PRKCH: variants seen among roughly 807,000 people sequenced by gnomAD.
PRKCH encodes protein kinase C eta type.
A neutral mutation model predicts 82.5 loss-of-function variants in PRKCH; 28 were observed. The observed-to-expected ratio is 0.34, with a 90% CI of 0.25 to 0.47. The LOEUF is 0.47. Ranked by LOEUF, PRKCH falls within the 20% of genes least tolerant of loss-of-function variation. The probability of loss-of-function intolerance (pLI) is 1.00; values close to 1 mark genes in which losing one functional copy is unlikely to be tolerated. For missense variants in PRKCH, 705 were observed against 881.8 expected (o/e 0.80, Z 2.54); for synonymous variants, 322 against 327.4 (o/e 0.98, Z 0.18).
At chr14:61,366,134 A>G (rs375456577) in intron 1 of PRKCH, among the ~76,000 whole-genome samples, 1 of 152,236 alleles carries the variant, frequency 6.6e-6, no homozygotes, top group South Asian at 2.1e-4. Context: ...AGCTCTTTGC[A>G]AATAATGCCT....
rs1056654828 is a variant in PRKCH at position 61,364,744 on chromosome 14, T to C, written c.364-26481T>C. On this transcript the variant is annotated intron_variant, in intron 1 of 13. Coordinates refer to ENST00000332981, the MANE Select transcript of PRKCH (RefSeq NM_006255.5). ...GTCCCAGGTACTAGGGAGGCTGAAG[T>C]GGGAGGATCACCTGAGCCCAGGGAG... Among the ~76,000 whole-genome samples the C allele has an allele frequency of 2.0e-5, 3 of 151,896 alleles. No homozygotes were observed. In the East Asian group the frequency reaches 5.8e-4, roughly 29 times the overall value.
At chr14:61,536,783 G>T (rs972621295) in intron 12 of PRKCH, among the ~76,000 whole-genome samples, 1 of 152,076 alleles carries the variant, frequency 6.6e-6, no homozygotes, top group East Asian at 1.9e-4. Context: ...GGCAAGGCAG[G>T]CTCCAGCATC....
intron 12 of PRKCH, among the ~76,000 whole-genome samples, chr14:61,541,249 C>T (rs893037589): frequency 1.3e-5 from 2 of 152,280 alleles, no homozygotes; most frequent in Non-Finnish European, 2.9e-5. Context: ...GTGCCAGCAG[C>T]ATCCTTCAGA....
At chr14:61,536,864 C>A (rs2043116664) in intron 12 of PRKCH, among the ~76,000 whole-genome samples, 1 of 152,132 alleles carries the variant, frequency 6.6e-6, no homozygotes, top group East Asian at 1.9e-4. Flanking sequence ...CTGCCCTCTC[C>A]ACCCGCAACA....
chr14:61,275,613 C>T (rs559271245), intron 1 of PRKCH, among the ~76,000 whole-genome samples: 58 of 152,128 alleles, frequency 3.8e-4, no homozygotes, highest in Non-Finnish European at 7.9e-4. Flanking sequence ...AGGTGAGCCA[C>T]CATTCGCTTA....
Position 61,250,460 on chromosome 14 carries a change from G to T in PRKCH, c.-19+62792G>T, listed in dbSNP as rs140517345. Among the ~76,000 whole-genome samples the T allele has an allele frequency of 2.0e-5, 3 of 151,992 alleles. No individual in the cohort carries two copies. In the East Asian group the frequency reaches 5.8e-4, roughly 29 times the overall value. On this transcript the variant is annotated intron_variant, in intron 1 of 3. Coordinates refer to the PRKCH transcript ENST00000555185. ...AAAGACATATGGGAAACTTAAATGCGTTTTACTGAGTGAAAGAAACCAATC... is the reference window on the plus strand; with the variant it reads ...AAAGACATATGGGAAACTTAAATGCTTTTTACTGAGTGAAAGAAACCAATC...
intron 2 of PRKCH, among the ~76,000 whole-genome samples, chr14:61,424,100 C>T (rs917292845): frequency 3.9e-5 from 6 of 152,204 alleles, no homozygotes; most frequent in African/African-American, 1.4e-4. Context: ...CCCCTTATGC[C>T]ATGATTATAA....
intron 2 of PRKCH, among the ~76,000 whole-genome samples, chr14:61,395,122 C>T (rs980507817): frequency 6.6e-6 from 1 of 151,868 alleles, no homozygotes; most frequent in Non-Finnish European, 1.5e-5. Context: ...TTTAGGAACC[C>T]CATATCTGTT....
chr14:61,459,075 A>G (rs544751346), intron 9 of PRKCH, among the ~76,000 whole-genome samples: 1 of 152,314 alleles, frequency 6.6e-6, no homozygotes, highest in African/African-American at 2.4e-5. Flanking sequence ...ATTTAGAATC[A>G]GGCTCAAAAT....
chr14:61,500,545 C>T (rs1215321593), intron 10 of PRKCH, among the ~76,000 whole-genome samples: 2 of 151,994 alleles, frequency 1.3e-5, no homozygotes, highest in African/African-American at 2.4e-5. Context: ...GTAGCAAGCA[C>T]GGTGGAAAGT....
chr14:61,506,404 G>C (rs930621367), intron 10 of PRKCH, among the ~76,000 whole-genome samples: 1 of 152,044 alleles, frequency 6.6e-6, no homozygotes, highest in Non-Finnish European at 1.5e-5. Context: ...TTGAAGTCAG[G>C]GGGGTGGGTA....
chr14:61,490,240 C>A (rs4902067), intron 10 of PRKCH, among the ~76,000 whole-genome samples: 1 of 152,038 alleles, frequency 6.6e-6, no homozygotes, highest in Non-Finnish European at 1.5e-5. Context: ...TCACTGCCAA[C>A]TCTGACATGC....
intron 1 of PRKCH, among the ~76,000 whole-genome samples, chr14:61,191,684 T>C (rs1371785573): frequency 2.0e-5 from 3 of 152,038 alleles, no homozygotes; most frequent in Non-Finnish European, 1.5e-5. Flanking sequence ...AAACAACATA[T>C]ACTAAGCAAT....
At chr14:61,311,894 G>C (rs1406940519) in intron 1 of PRKCH, among the ~76,000 whole-genome samples, 1 of 152,218 alleles carries the variant, frequency 6.6e-6, no homozygotes. Context: ...CAGCAGGTGA[G>C]AGAGTGTGCA....
chr14:61,391,195 T>C (rs1412257323), intron 1 of PRKCH, 30 bp from the exon 2 acceptor site: 2 of 1,576,960 alleles, frequency 1.3e-6, no homozygotes, highest in African/African-American at 1.4e-5. Context: ...AAAACTAACA[T>C]ATAATATACA....
At chr14:61,396,123 C>G (rs1416380384) in intron 2 of PRKCH, among the ~76,000 whole-genome samples, 2 of 149,774 alleles carry the variant, frequency 1.3e-5, no homozygotes, top group East Asian at 3.9e-4. Flanking sequence ...TTATTTTATA[C>G]AAGAAGCCTC....
Position 61,407,647 on chromosome 14 carries a change from C to T in PRKCH, c.427+16359C>T, listed in dbSNP as rs186097860. Among the ~76,000 whole-genome samples, 230 of 152,300 alleles carry T rather than the reference C, an allele frequency of 1.5e-3. 2 individuals are homozygous for T. Among genetic ancestry groups the T allele is most frequent in the Admixed American group, 0.015 (223 of 15,296 alleles). ...TGTCACTTTTTCCATGCCTCTTTCTCGGGTGTTGGACGTCCTCATTTGAGA... is the reference window on the plus strand; with the variant it reads ...TGTCACTTTTTCCATGCCTCTTTCTTGGGTGTTGGACGTCCTCATTTGAGA... On this transcript the variant is annotated intron_variant, in intron 2 of 13. Coordinates refer to ENST00000332981, the MANE Select transcript of PRKCH (RefSeq NM_006255.5).
At chr14:61,493,896 A>G (rs2139935833) in intron 10 of PRKCH, among the ~76,000 whole-genome samples, 1 of 151,996 alleles carries the variant, frequency 6.6e-6, no homozygotes, top group East Asian at 1.9e-4. Context: ...AGTAAAGCTG[A>G]TAGGACTTAG....
chr14:61,461,882 C>G (rs1885044225), intron 9 of PRKCH, among the ~76,000 whole-genome samples: 1 of 152,162 alleles, frequency 6.6e-6, no homozygotes, highest in African/African-American at 2.4e-5. Flanking sequence ...GTGGGTGAAG[C>G]CTTTACTAGC....
Sources: gnomAD v4.1 joint callset for allele counts (sites outside exome capture counted in the v4.1 genomes callset) on GRCh38, gnomAD v4.1.1 for gene constraint, MANE v1.5 for transcripts, NCBI Gene and HGNC (gene_info 2026-07-23, HGNC 2026-07-21) for gene names.